Variants in ELMO1 observed in about 807,000 individuals in gnomAD.
ELMO1 encodes engulfment and cell motility protein 1.
ELMO1 carries 26 observed loss-of-function variants against 98.9 expected under a neutral mutation model. The ratio of observed to expected loss-of-function variants is 0.26; its 90% CI spans 0.19 to 0.36. The LOEUF (loss-of-function observed/expected upper bound fraction) is 0.36, where lower values mean the gene tolerates loss of function less well. ELMO1 is among the 10% of genes least tolerant of loss of function. The pLI is 1.00. For missense variants in ELMO1, 627 were observed against 935.2 expected (o/e 0.67, Z 4.30); for synonymous variants, 346 against 346.0 (o/e 1.00, Z 0.00).
chr7:37,202,807 C>G (rs1288858036), intron 13 of ELMO1, among the ~76,000 whole-genome samples: 1 of 152,124 alleles, frequency 6.6e-6, no homozygotes, highest in Non-Finnish European at 1.5e-5. Flanking sequence ...AATGAGCCAC[C>G]TCTTTTTCAG....
At chr7:37,161,907 T>TAA (rs1350959138) in intron 13 of ELMO1, among the ~76,000 whole-genome samples, 2 of 69,714 alleles carry the variant, frequency 2.9e-5, no homozygotes, top group African/African-American at 8.3e-5. Flanking sequence ...GGTAATCAAA[T>TAA]ATATATATAT....
intron 14 of ELMO1, among the ~76,000 whole-genome samples, chr7:37,115,236 T>C (rs1443952951): frequency 6.6e-6 from 1 of 152,174 alleles, no homozygotes; most frequent in Non-Finnish European, 1.5e-5. Context: ...AAGGAGTAGT[T>C]CTTAACTAAT....
At chr7:37,132,452 G>A (rs1786987362) in intron 14 of ELMO1, among the ~76,000 whole-genome samples, 1 of 152,166 alleles carries the variant, frequency 6.6e-6, no homozygotes, top group African/African-American at 2.4e-5. Context: ...GGACAGGGGA[G>A]AGGTGTCAGC....
chr7:37,050,300 C>T (rs1367745237), intron 15 of ELMO1, among the ~76,000 whole-genome samples: 1 of 152,104 alleles, frequency 6.6e-6, no homozygotes, highest in Admixed American at 6.6e-5. Context: ...TCTTGAACTC[C>T]TGAGCTCAGG....
chr7:37,404,373 T>C (rs1803664322), intron 1 of ELMO1, among the ~76,000 whole-genome samples: 1 of 152,134 alleles, frequency 6.6e-6, no homozygotes, highest in Admixed American at 6.5e-5. Flanking sequence ...TCTATGGGTA[T>C]CTTATGCTCT....
At chr7:37,224,834 C>A (rs1309895122) in intron 9 of ELMO1, 45 bp downstream of exon 9, 1 of 1,601,848 alleles carries the variant, frequency 6.2e-7, no homozygotes, top group Admixed American at 1.7e-5. Context: ...CCGTGGCCAT[C>A]TTCCTGAAGC....
chr7:37,320,086 C>T (rs1187453805), intron 2 of ELMO1, among the ~76,000 whole-genome samples: 1 of 152,036 alleles, frequency 6.6e-6, no homozygotes, highest in Non-Finnish European at 1.5e-5. Flanking sequence ...GAAACCCTGT[C>T]TCTACTAAAA....
At chr7:36,991,106 G>T (rs1043913687) in intron 16 of ELMO1, among the ~76,000 whole-genome samples, 17 of 152,268 alleles carry the variant, frequency 1.1e-4, no homozygotes, top group African/African-American at 3.9e-4. Context: ...ACATGGCTAC[G>T]CTGCAACCAG....
At chr7:36,920,512 C>T (rs1283169970) in intron 16 of ELMO1, among the ~76,000 whole-genome samples, 1 of 152,042 alleles carries the variant, frequency 6.6e-6, no homozygotes, top group Non-Finnish European at 1.5e-5. Flanking sequence ...TATTCTAAAA[C>T]ATAATCTCTC....
intron 7 of ELMO1, among the ~76,000 whole-genome samples, chr7:37,242,647 C>A (rs1317951062): frequency 1.3e-5 from 2 of 152,216 alleles, no homozygotes; most frequent in Non-Finnish European, 2.9e-5. Context: ...CAGCTGACAT[C>A]TTTGCTCAGA....
intron 15 of ELMO1, among the ~76,000 whole-genome samples, chr7:37,021,443 G>GA (rs1005692165): frequency 2.0e-5 from 3 of 151,598 alleles, no homozygotes; most frequent in African/African-American, 7.3e-5. Context: ...ATGGAGAGAG[G>GA]AAAAAAAATA....
chr7:36,898,120 T>C (rs1806183489), intron 16 of ELMO1, among the ~76,000 whole-genome samples: 1 of 152,238 alleles, frequency 6.6e-6, no homozygotes, highest in Non-Finnish European at 1.5e-5. Context: ...AAGTCAAACA[T>C]TCCTCTGTGC....
chr7:37,026,287 G>A (rs1466169965), intron 15 of ELMO1, among the ~76,000 whole-genome samples: 14 of 152,156 alleles, frequency 9.2e-5, no homozygotes, highest in Admixed American at 9.2e-4. Context: ...CTGTCTTGCA[G>A]AGCCATGGTG....
chr7:37,389,254 T>C (rs1802957256), intron 1 of ELMO1, among the ~76,000 whole-genome samples: 1 of 152,196 alleles, frequency 6.6e-6, no homozygotes, highest in African/African-American at 2.4e-5. Flanking sequence ...ATTTTGACTT[T>C]TCCACAGAGC....
At chr7:37,141,185 C>T (rs1305900979) in intron 13 of ELMO1, among the ~76,000 whole-genome samples, 2 of 152,138 alleles carry the variant, frequency 1.3e-5, no homozygotes, top group Non-Finnish European at 2.9e-5. Flanking sequence ...TTTATATACA[C>T]CATGGAATAT....
intron 15 of ELMO1, among the ~76,000 whole-genome samples, chr7:37,050,588 GAGT>G (rs1796046449): frequency 6.7e-6 from 1 of 148,304 alleles, no homozygotes; most frequent in African/African-American, 2.5e-5. Flanking sequence ...TTTGCTAAGA[GAGT>G]AGATTTTAGG....
intron 15 of ELMO1, among the ~76,000 whole-genome samples, chr7:37,043,196 C>G: frequency 6.6e-6 from 1 of 152,168 alleles, no homozygotes; most frequent in East Asian, 1.9e-4. Flanking sequence ...GAAACAACAG[C>G]AGCAAGAGTG....
At chr7:37,317,702 G>A (rs981826743) in intron 2 of ELMO1, among the ~76,000 whole-genome samples, 1 of 152,212 alleles carries the variant, frequency 6.6e-6, no homozygotes, top group Middle Eastern at 3.4e-3. Flanking sequence ...TTGTGGGAGA[G>A]GTGGGGATGG....
intron 15 of ELMO1, among the ~76,000 whole-genome samples, chr7:37,029,638 T>C (rs991084996): frequency 6.6e-6 from 1 of 152,172 alleles, no homozygotes; most frequent in African/African-American, 2.4e-5. Flanking sequence ...TTGCAGTTAA[T>C]AAAAATTATT....
Sources: gnomAD v4.1 joint callset for allele counts (sites outside exome capture counted in the v4.1 genomes callset) on GRCh38, gnomAD v4.1.1 for gene constraint, MANE v1.5 for transcripts, NCBI Gene and HGNC (gene_info 2026-07-23, HGNC 2026-07-21) for gene names.